DPP6: variants seen among roughly 807,000 people sequenced by gnomAD.
The protein encoded by DPP6 is dipeptidyl peptidase like 6.
A neutral mutation model predicts 122.6 loss-of-function variants in DPP6; 69 were observed. That is an observed-to-expected ratio of 0.56 (90% CI 0.46 to 0.69). The LOEUF (loss-of-function observed/expected upper bound fraction) is 0.69, where lower values mean the gene tolerates loss of function less well. DPP6 is among the 30% of genes least tolerant of loss of function. DPP6 has a pLI of 0.00. For missense variants in DPP6, 928 were observed against 1,116.9 expected, an observed-to-expected ratio of 0.83 and a Z score of 2.41; for synonymous variants, 418 against 433.1, an observed-to-expected ratio of 0.97 and a Z score of 0.43.
At chr7:154,230,252 G>C (rs1010006499) in intron 1 of DPP6, among the ~76,000 whole-genome samples, 6 of 152,092 alleles carry the variant, frequency 3.9e-5, no homozygotes, top group Non-Finnish European at 7.3e-5. Flanking sequence ...ATAAGCTATG[G>C]CCCCCACTCT....
At chr7:153,872,379 A>G in the DPP6 span, among the ~76,000 whole-genome samples, 36 of 152,344 alleles carry the variant, frequency 2.4e-4, 1 homozygote, top group South Asian at 7.3e-3. Context: ...CTCATAGCAT[A>G]ATAAATAATA....
rs1213947769 is a variant in DPP6, at chr7:153,920,561, CTCT to C, written c.51+32829_51+32831del. Among the ~76,000 whole-genome samples, 10 of 62,480 alleles carry C rather than the reference CTCT, an allele frequency of 1.6e-4. 1 individual carries two copies. The highest frequency in any genetic ancestry group is 4.2e-4 in the Admixed American group (2 of 4,764). The allele number at this position is 62,480 out of a possible 152,430, so 41.0% of individuals were successfully genotyped here. A position where few individuals can be genotyped will look rare whatever the true frequency, so the allele number is the denominator to read the frequency against. ...TAGTCAACCTTTTTCTTTTATCTCT[CTCT>C]TTTTTTTTTTTTTTTTGAGATGGAG... On this transcript the variant is annotated intron_variant, in intron 1 of 25. Coordinates refer to the DPP6 transcript ENST00000404039.
At chr7:154,844,756 G>T (rs1213445084) in intron 16 of DPP6, among the ~76,000 whole-genome samples, 3 of 152,140 alleles carry the variant, frequency 2.0e-5, no homozygotes, top group Non-Finnish European at 4.4e-5. Context: ...CTGGGATTAG[G>T]AATCAACAGA....
At chr7:154,768,177 C>A (rs76503292) in intron 8 of DPP6, among the ~76,000 whole-genome samples, 2 of 152,236 alleles carry the variant, frequency 1.3e-5, no homozygotes, top group African/African-American at 4.8e-5. Context: ...GCTAAGCCCC[C>A]CTTCATGAAC....
intron 5 of DPP6, among the ~76,000 whole-genome samples, chr7:154,580,094 C>T (rs1831953202): frequency 6.6e-6 from 1 of 151,834 alleles, no homozygotes; most frequent in African/African-American, 2.4e-5. Context: ...CGGTGAATAA[C>T]AGTAAGACTC....
At chr7:154,843,176 C>T (rs1006608603) in intron 16 of DPP6, among the ~76,000 whole-genome samples, 3 of 152,186 alleles carry the variant, frequency 2.0e-5, no homozygotes, top group Admixed American at 2.0e-4. Flanking sequence ...GTGGCGCATG[C>T]CTGGAGTCCC....
chr7:153,760,703 C>G, the DPP6 span, among the ~76,000 whole-genome samples: 1 of 152,068 alleles, frequency 6.6e-6, no homozygotes, highest in African/African-American at 2.4e-5. Flanking sequence ...TTTGCGTATT[C>G]TATGAAATGT....
At chr7:154,365,609 C>A (rs1368181327) in intron 1 of DPP6, among the ~76,000 whole-genome samples, 1 of 152,180 alleles carries the variant, frequency 6.6e-6, no homozygotes, top group African/African-American at 2.4e-5. Context: ...AGCACAGATA[C>A]CCTAATTACC....
chr7:154,177,182 G>A (rs897317707), intron 1 of DPP6, among the ~76,000 whole-genome samples: 4 of 152,150 alleles, frequency 2.6e-5, no homozygotes, highest in South Asian at 2.1e-4. Context: ...TGCATCTCCC[G>A]CACAGATATA....
chr7:154,135,379 G>C (rs1387666757), intron 1 of DPP6, among the ~76,000 whole-genome samples: 2 of 150,750 alleles, frequency 1.3e-5, no homozygotes, highest in Non-Finnish European at 2.9e-5. Flanking sequence ...CTTCCTATCT[G>C]TGCACTTCCT....
chr7:154,280,667 G>A lies in DPP6; in HGVS notation c.244-165547G>A, dbSNP rs552673300. The stretch of plus-strand genomic sequence containing the variant: ...AGTGGGTTTATTGTCACTCTAATAA[G>A]AACATATTTGCAGGCTAAAACATCA... On this transcript the variant is annotated intron_variant, in intron 1 of 25. Transcript: ENST00000377770. Among the ~76,000 whole-genome samples the A allele has an allele frequency of 2.1e-4, 32 of 152,254 alleles. No individual in the cohort carries two copies. In the South Asian group the frequency reaches 6.2e-3, roughly 30 times the overall value.
chr7:154,864,789 C>T (rs1803709492), intron 17 of DPP6, among the ~76,000 whole-genome samples: 1 of 152,194 alleles, frequency 6.6e-6, no homozygotes, highest in African/African-American at 2.4e-5. Flanking sequence ...ACGAGGTATT[C>T]ACACGCAGCC....
chr7:153,859,693 T>A, the DPP6 span, among the ~76,000 whole-genome samples: 83 of 152,176 alleles, frequency 5.5e-4, no homozygotes, highest in African/African-American at 1.8e-3. Context: ...ATACCCAGAC[T>A]GGGTAATTTA....
chr7:154,866,414 G>A (rs943309809), intron 17 of DPP6, among the ~76,000 whole-genome samples: 2 of 152,250 alleles, frequency 1.3e-5, no homozygotes, highest in Non-Finnish European at 2.9e-5. Context: ...TGGCGCAGGG[G>A]CATGCAGGCC....
In DPP6 at chr7:153,887,555, ATTT is replaced by A. The variant is rs1166504708; in HGVS notation, c.-122_-120del. 6.5e-6 allele frequency: 7 copies of A among 1,070,500 alleles called. No homozygotes were observed. In the South Asian group the frequency reaches 8.5e-5, roughly 13 times the overall value. 66.3% of individuals were successfully genotyped at this position (1,070,500 alleles called of 1,614,324 possible). A position where few individuals can be genotyped will look rare whatever the true frequency, so the allele number is the denominator to read the frequency against. Reference sequence around the variant, plus strand: ...GGTGAGAAAACTGAAGACCTGGAAGATTTTTTTTTCCTTCAAAAACCCGTTTCC... The same window carrying A: ...GGTGAGAAAACTGAAGACCTGGAAGATTTTTTCCTTCAAAAACCCGTTTCC... On this transcript the variant is annotated 5_prime_UTR_variant, in exon 1 of 26. Transcript: ENST00000404039.
chr7:154,780,170 CCCAGTG>C (rs1414429234), intron 10 of DPP6, among the ~76,000 whole-genome samples: 1 of 152,138 alleles, frequency 6.6e-6, no homozygotes, highest in African/African-American at 2.4e-5. Context: ...AGAAGCCATT[CCCAGTG>C]ACTAGGGTAA....
chr7:154,519,533 G>C (rs761568308), intron 3 of DPP6, among the ~76,000 whole-genome samples: 4 of 152,252 alleles, frequency 2.6e-5, no homozygotes, highest in Non-Finnish European at 4.4e-5. Flanking sequence ...GTCGGAAGGA[G>C]TAGATGATTC....
intron 1 of DPP6, among the ~76,000 whole-genome samples, chr7:154,291,029 A>T (rs1805174745): frequency 6.6e-6 from 1 of 152,200 alleles, no homozygotes. Context: ...GGAGAAGTGG[A>T]AACTCTCAGG....
intron 1 of DPP6, among the ~76,000 whole-genome samples, chr7:154,186,368 T>A (rs1798354321): frequency 6.6e-6 from 1 of 152,230 alleles, no homozygotes; most frequent in African/African-American, 2.4e-5. Flanking sequence ...AACAAAAGAC[T>A]AGTTTTTATT....
Sources: allele counts gnomAD v4.1 joint callset (sites outside exome capture counted in the v4.1 genomes callset), GRCh38; gene constraint gnomAD v4.1.1; transcripts MANE v1.5; gene names NCBI Gene and HGNC (gene_info 2026-07-23, HGNC 2026-07-21).